MAP3K4: variants seen among roughly 807,000 people sequenced by gnomAD.
MAP3K4 encodes the protein MAP three kinase 1.
In MAP3K4, 67 loss-of-function variants were observed where a neutral mutation model predicts 185.6. That is an observed-to-expected ratio of 0.36 (90% CI 0.30 to 0.44). The LOEUF (loss-of-function observed/expected upper bound fraction) is 0.44. Among genes scored for constraint, MAP3K4 ranks in the 20% least tolerant of loss-of-function variants. The pLI is 1.00. For missense variants in MAP3K4, 1,551 were observed against 1,995.1 expected (o/e 0.78, Z 4.24); for synonymous variants, 702 against 710.4 (o/e 0.99, Z 0.19).
rs945560301 is a variant in MAP3K4 at position 161,074,821 on chromosome 6, T to G, written c.2097+1209T>G. Among the ~76,000 whole-genome samples, 14 of 152,212 alleles carry G rather than the reference T, an allele frequency of 9.2e-5. No homozygotes were observed. The highest frequency in any genetic ancestry group is 3.4e-4 in the African/African-American group (14 of 41,454). ...CAGCACCTACAGATACCACTCTCAC[T>G]TTCTAAGCGGGAAGAAAAGGGGAAA... On this transcript the variant is annotated intron_variant, in intron 5 of 26. Coordinates refer to ENST00000392142, the MANE Select transcript of MAP3K4 (RefSeq NM_005922.4). The surrounding 1 kb of genome is among the most constrained non-coding windows in gnomAD (Gnocchi z 5.0).
intron 1 of MAP3K4, among the ~76,000 whole-genome samples, chr6:161,003,480 A>G (rs1781427848): frequency 6.6e-6 from 1 of 152,172 alleles, no homozygotes; most frequent in African/African-American, 2.4e-5. Context: ...TTAGAGTTCT[A>G]GAAATCCTGA....
Position 161,087,692 on chromosome 6 carries a change from A to G in MAP3K4, c.2561A>G (p.Gln854Arg). ...TTTGGATTATGTCTTTTGCAGGTGC[A>G]AATTCCTGGGTTAGAAAACTTGCAA... ...VLKSKQYVKV[Q>R]IPGLENLQMF... is the part of the protein sequence containing the mutation. The change falls in exon 10 of 27, where the codon CAA becomes CGA. Residue 854 changes from glutamine (Q) to arginine (R), a missense_variant. Physicochemically the swap from Gln to Arg is conservative, Grantham distance 43 (BLOSUM62 1). This residue lies in a region of MAP3K4 where 261 missense variants were observed against 306.5 expected (regional missense o/e 0.85). Coordinates refer to ENST00000392142, the MANE Select transcript of MAP3K4 (RefSeq NM_005922.4). This position sits in a 1 kb window ranked among gnomAD's most constrained non-coding sequence, Gnocchi z 4.9. 6.2e-7 allele frequency: 1 copy of G among 1,614,090 alleles called. No individual in the cohort carries two copies. The highest frequency in any genetic ancestry group is 1.3e-5 in the African/African-American group (1 of 75,050).
At position 161,064,095 on chromosome 6, in the gene MAP3K4, C is replaced by T. The variant is rs1191966185; in HGVS notation, c.1708-6513C>T. Among the ~76,000 whole-genome samples the T allele has an allele frequency of 6.6e-6, 1 of 152,106 alleles. No individual in the cohort carries two copies. The highest frequency in any genetic ancestry group is 1.5e-5 in the Non-Finnish European group (1 of 68,016). On this transcript the variant is annotated intron_variant, in intron 3 of 26. Transcript: ENST00000392142. The surrounding 1 kb of genome is among the most constrained non-coding windows in gnomAD (Gnocchi z 4.3). ...TGAAACCCTGTTGCCACCACTTTTT[C>T]CCAGAATTCTTTTTTTCAGTTTGAC...
rs957191976 is a variant in MAP3K4, at chr6:160,996,015, G to T, written c.152+3932G>T. On this transcript the variant is annotated intron_variant, in intron 1 of 26. Transcript: ENST00000392142. The surrounding 1 kb of genome is among the most constrained non-coding windows in gnomAD (Gnocchi z 4.5). ...TATTGTAAATTCATTTGAAAAACTG[G>T]ATTTCCTACTAAAAAACTAGTTGAA... is the stretch of plus-strand genomic sequence containing the variant. 1.3e-5 allele frequency among the ~76,000 whole-genome samples: 2 copies of T among 151,988 alleles called. No homozygotes were observed. The highest frequency in any genetic ancestry group is 2.9e-5 in the Non-Finnish European group (2 of 67,990).
chr6:161,006,604 A>G (rs1781591966), intron 1 of MAP3K4, among the ~76,000 whole-genome samples: 1 of 152,198 alleles, frequency 6.6e-6, no homozygotes, highest in Non-Finnish European at 1.5e-5. Context: ...GTAGATACTG[A>G]AGGATGGCTG....
chr6:161,111,085 A>G (rs372776708), intron 23 of MAP3K4, among the ~76,000 whole-genome samples: 25 of 152,282 alleles, frequency 1.6e-4, no homozygotes, highest in East Asian at 1.4e-3. Flanking sequence ...CTCGTAGTCA[A>G]TTGTGGGGAG....
At position 160,997,996 on chromosome 6, in the gene MAP3K4, CTGAAAG is replaced by C. The variant is rs569417192; in HGVS notation, c.152+5914_152+5919del. ...TAATCCCCAGAGAAAAGCAGAGAGG[CTGAAAG>C]AGGTCTATGGCCAGTTGCCTTTAAA... On this transcript the variant is annotated intron_variant, in intron 1 of 26. Coordinates refer to ENST00000392142, the MANE Select transcript of MAP3K4 (RefSeq NM_005922.4). Among the ~76,000 whole-genome samples the C allele has an allele frequency of 5.3e-5, 8 of 152,124 alleles. No individual in the cohort carries two copies. The South Asian group carries it at 1.7e-3, about 32-fold the overall frequency.
At position 161,077,917 on chromosome 6, in the gene MAP3K4, G is replaced by A. The variant is rs938301847; in HGVS notation, c.2098-2964G>A. ...TATGTATATACGAGAAAAGGGTGAG[G>A]TTCCTCAGACTTCTGGAGGAGATGG... On this transcript the variant is annotated intron_variant, in intron 5 of 26. Transcript: ENST00000392142. This position sits in a 1 kb window ranked among gnomAD's most constrained non-coding sequence, Gnocchi z 4.3. Among the ~76,000 whole-genome samples, 1 of 152,108 alleles carries A rather than the reference G, an allele frequency of 6.6e-6. No individual in the cohort carries two copies. The highest frequency in any genetic ancestry group is 2.4e-5 in the African/African-American group (1 of 41,400).
Position 161,106,365 on chromosome 6 carries a change from T to A in MAP3K4, c.3857-149T>A, listed in dbSNP as rs1778071737. On this transcript the variant is annotated intron_variant, in intron 19 of 26. Transcript: ENST00000392142. This position sits in a 1 kb window ranked among gnomAD's most constrained non-coding sequence, Gnocchi z 4.9. The stretch of plus-strand genomic sequence containing the variant: ...CTGGAATGAGTAGCGTTTGAAGAAC[T>A]TTAATTCACCTGCTGTTTATCTGAA... 1 of 572,590 alleles carries A rather than the reference T, an allele frequency of 1.7e-6. No homozygotes were observed. The highest frequency in any genetic ancestry group is 3.1e-6 in the Non-Finnish European group (1 of 327,484). 35.5% of individuals were successfully genotyped at this position (572,590 alleles called of 1,614,324 possible).
At chr6:160,999,976 A>G (rs182159432) in intron 1 of MAP3K4, among the ~76,000 whole-genome samples, 2 of 152,300 alleles carry the variant, frequency 1.3e-5, no homozygotes, top group East Asian at 1.9e-4. Flanking sequence ...ATGCTCAGAA[A>G]TTTTCAGATA....
intron 2 of MAP3K4, among the ~76,000 whole-genome samples, chr6:161,039,279 C>CAAAAAAAA (rs3050259): frequency 6.8e-4 from 49 of 71,902 alleles, no homozygotes; most frequent in Non-Finnish European, 9.6e-4. Context: ...CGCAAAAATG[C>CAAAAAAAA]AAAAAAAAAA....
At chr6:161,047,611 A>G (rs1783795545) in intron 2 of MAP3K4, among the ~76,000 whole-genome samples, 1 of 152,152 alleles carries the variant, frequency 6.6e-6, no homozygotes, top group African/African-American at 2.4e-5. Context: ...TGATGTGGAA[A>G]TGAATGAGAT....
intron 3 of MAP3K4, among the ~76,000 whole-genome samples, chr6:161,066,928 G>C (rs1050908781): frequency 2.0e-5 from 3 of 152,196 alleles, no homozygotes; most frequent in African/African-American, 7.2e-5. Context: ...TTTTATCTTA[G>C]AAAGTTTGGT....
chr6:161,036,613 A>T (rs987897527), intron 2 of MAP3K4, among the ~76,000 whole-genome samples: 1 of 152,206 alleles, frequency 6.6e-6, no homozygotes, highest in Non-Finnish European at 1.5e-5. Flanking sequence ...TTTAATTTAA[A>T]TGGCTGCTAT....
Position 161,096,650 on chromosome 6 carries a change from A to T in MAP3K4, c.3428-430A>T, listed in dbSNP as rs1375588681. 3 of 154,350 alleles carry T rather than the reference A, an allele frequency of 1.9e-5. 1 individual carries two copies. Among genetic ancestry groups the T allele is most frequent in the Non-Finnish European group, 4.3e-5 (3 of 69,392 alleles). The allele number at this position is 154,350 out of a possible 1,614,324, so 9.6% of individuals were successfully genotyped here. On this transcript the variant is annotated intron_variant, in intron 15 of 26. Coordinates refer to ENST00000392142, the MANE Select transcript of MAP3K4 (RefSeq NM_005922.4). The surrounding 1 kb of genome is among the most constrained non-coding windows in gnomAD (Gnocchi z 4.9). The stretch of plus-strand genomic sequence containing the variant: ...GTTTAAAGGAACTGAATAAAACTCC[A>T]TGCACTCAGGACAATGACAGTGACC...
rs996837502 is a variant in MAP3K4 at position 161,103,180 on chromosome 6, G to A, written c.3856+401G>A. ...AAATAGCAGAAAAATCATTGGTCTA[G>A]TATTTAATGATCTATAAAATGCTTT... On this transcript the variant is annotated intron_variant, in intron 19 of 26. Coordinates refer to ENST00000392142, the MANE Select transcript of MAP3K4 (RefSeq NM_005922.4). This position sits in a 1 kb window ranked among gnomAD's most constrained non-coding sequence, Gnocchi z 4.6. Among the ~76,000 whole-genome samples the A allele has an allele frequency of 6.6e-6, 1 of 152,182 alleles. No homozygotes were observed. Among genetic ancestry groups the A allele is most frequent in the African/African-American group, 2.4e-5 (1 of 41,452 alleles).
chr6:161,050,115 G>A (rs1783934748), intron 3 of MAP3K4, 136 bp downstream of exon 3: 1 of 837,824 alleles, frequency 1.2e-6, no homozygotes, highest in Admixed American at 2.9e-5. Flanking sequence ...GCACATTTAA[G>A]CATTTCTGTA....
In MAP3K4 at chr6:161,112,582, A is replaced by G. The variant is rs1778403951; in HGVS notation, c.4520-86A>G. On this transcript the variant is annotated intron_variant, in intron 24 of 26. Transcript: ENST00000392142. The surrounding 1 kb of genome is among the most constrained non-coding windows in gnomAD (Gnocchi z 5.1). Reference sequence around the variant, plus strand: ...ACCTAATGCAGGAAGATAATATTGTACAATATTAATTTATTGCTTGGCTCT... The same window carrying G: ...ACCTAATGCAGGAAGATAATATTGTGCAATATTAATTTATTGCTTGGCTCT... The G allele has an allele frequency of 2.5e-6, 2 of 798,468 alleles. No individual in the cohort carries two copies. Among genetic ancestry groups the G allele is most frequent in the Non-Finnish European group, 3.7e-6 (2 of 547,942 alleles). 49.5% of individuals were successfully genotyped at this position (798,468 alleles called of 1,614,324 possible).
In MAP3K4 at chr6:161,071,859, C is replaced by T. The variant is rs140022523; in HGVS notation, c.1950+1009C>T. Among the ~76,000 whole-genome samples, 497 of 152,260 alleles carry T rather than the reference C, an allele frequency of 3.3e-3. 2 individuals are homozygous for T. Among genetic ancestry groups the T allele is most frequent in the Middle Eastern group, 6.8e-3 (2 of 294 alleles). On this transcript the variant is annotated intron_variant, in intron 4 of 26. Transcript: ENST00000392142. The surrounding 1 kb of genome is among the most constrained non-coding windows in gnomAD (Gnocchi z 4.6). ...TCATCCTCATAATCGCAGTGGTTAT[C>T]TAGGACATTTTGGGAAAATACTTCT... is the stretch of plus-strand genomic sequence containing the variant.
Sources: allele counts gnomAD v4.1 joint callset (sites outside exome capture counted in the v4.1 genomes callset), GRCh38; gene constraint gnomAD v4.1.1; regional missense constraint gnomAD v4.1.1; non-coding constraint Gnocchi (gnomAD v3.1); transcripts MANE v1.5; gene names NCBI Gene and HGNC (gene_info 2026-07-23, HGNC 2026-07-21).